GNAL: variants seen among roughly 807,000 people sequenced by gnomAD.
GNAL encodes G protein subunit alpha L.
In GNAL, 18 loss-of-function variants were observed where a neutral mutation model predicts 55.1. The ratio of observed to expected loss-of-function variants is 0.33; its 90% CI spans 0.23 to 0.48. The LOEUF is 0.48. GNAL is among the 20% of genes least tolerant of loss of function. GNAL has a pLI of 0.99. For synonymous variants in GNAL, 253 were observed against 237.0 expected (o/e 1.07, Z -0.62); for missense variants, 412 against 614.1 (o/e 0.67, Z 3.48).
chr18:11,752,511 A>G lies in GNAL; in HGVS notation c.377-342A>G. 6.2e-7 allele frequency: 1 copy of G among 1,613,180 alleles called. No individual in the cohort carries two copies. Among genetic ancestry groups the G allele is most frequent in the African/African-American group, 1.3e-5 (1 of 74,914 alleles). Reference sequence around the variant, plus strand: ...AAAAAGAACGACGCGAGGCCAACAAAAAGATCGAGAAGCAGTTGCAGAAAG... The same window carrying G: ...AAAAAGAACGACGCGAGGCCAACAAGAAGATCGAGAAGCAGTTGCAGAAAG... On this transcript the variant is annotated intron_variant, in intron 1 of 11. Coordinates refer to ENST00000334049, the MANE Select transcript of GNAL (RefSeq NM_182978.4). This position sits in a 1 kb window ranked among gnomAD's most constrained non-coding sequence, Gnocchi z 4.5.
At chr18:11,735,856 A>G (rs536133388) in intron 1 of GNAL, among the ~76,000 whole-genome samples, 114 of 152,240 alleles carry the variant, frequency 7.5e-4, no homozygotes, top group African/African-American at 2.7e-3. Context: ...GGTCACAGTA[A>G]AAAGTTCAGA....
At chr18:11,813,264 A>G (rs989914606) in intron 4 of GNAL, among the ~76,000 whole-genome samples, 1 of 151,856 alleles carries the variant, frequency 6.6e-6, no homozygotes, top group African/African-American at 2.4e-5. Context: ...TAAAAAAAAG[A>G]AAAAAAGACA....
At chr18:11,880,216 C>CACT (rs2036639110) in intron 11 of GNAL, among the ~76,000 whole-genome samples, 1 of 151,120 alleles carries the variant, frequency 6.6e-6, no homozygotes, top group Admixed American at 6.6e-5. Context: ...GAGATGGCAC[C>CACT]ACTGCACTCC....
At chr18:11,726,865 A>G (rs1459295602) in intron 1 of GNAL, among the ~76,000 whole-genome samples, 1 of 152,222 alleles carries the variant, frequency 6.6e-6, no homozygotes, top group East Asian at 1.9e-4. Flanking sequence ...CCAAAACCCC[A>G]GTGTTTAAGA....
chr18:11,752,339 G>GA lies in GNAL; in HGVS notation c.377-513dup. The GA allele has an allele frequency of 6.7e-7, 1 of 1,493,320 alleles. No individual in the cohort carries two copies. Among genetic ancestry groups the GA allele is most frequent in the African/African-American group, 1.5e-5 (1 of 68,760 alleles). 92.5% of individuals were successfully genotyped at this position (1,493,320 alleles called of 1,614,324 possible). A position where few individuals can be genotyped will look rare whatever the true frequency, so the allele number is the denominator to read the frequency against. On this transcript the variant is annotated intron_variant, in intron 1 of 11. Coordinates refer to ENST00000334049, the MANE Select transcript of GNAL (RefSeq NM_182978.4). This position sits in a 1 kb window ranked among gnomAD's most constrained non-coding sequence, Gnocchi z 4.5. Reference sequence around the variant, plus strand: ...GACCATCTCTTTCAGCAGCAGGAAAGAGAGGAGCCGTCGCAGGAGCCGCAC... The same window carrying GA: ...GACCATCTCTTTCAGCAGCAGGAAAGAAGAGGAGCCGTCGCAGGAGCCGCAC...
chr18:11,770,379 A>G (rs1205862391), intron 4 of GNAL, among the ~76,000 whole-genome samples: 2 of 152,218 alleles, frequency 1.3e-5, no homozygotes, highest in African/African-American at 2.4e-5. Context: ...CTTTAGAATC[A>G]TCTCTGAAAA....
chr18:11,733,497 T>C (rs1455781360), intron 1 of GNAL, among the ~76,000 whole-genome samples: 2 of 152,228 alleles, frequency 1.3e-5, no homozygotes, highest in Non-Finnish European at 1.5e-5. Flanking sequence ...CATTTTCATC[T>C]TTTGGAGATG....
chr18:11,810,798 T>G (rs1416098526), intron 4 of GNAL: 5 of 152,378 alleles, frequency 3.3e-5, no homozygotes, highest in African/African-American at 1.2e-4. Flanking sequence ...ACGCTGGCTA[T>G]AAGTGCATTG....
At chr18:11,757,139 T>C (rs1231065209) in intron 4 of GNAL, among the ~76,000 whole-genome samples, 1 of 152,214 alleles carries the variant, frequency 6.6e-6, no homozygotes, top group Non-Finnish European at 1.5e-5. Flanking sequence ...TGGGTTGCTC[T>C]TTGGGTCTTT....
At chr18:11,732,732 T>C (rs1028015090) in intron 1 of GNAL, among the ~76,000 whole-genome samples, 4 of 152,240 alleles carry the variant, frequency 2.6e-5, no homozygotes, top group Non-Finnish European at 5.9e-5. Flanking sequence ...GGAGGAGGGA[T>C]AGACGGAGTG....
At chr18:11,844,860 A>ATTTAT (rs1555612968) in intron 5 of GNAL, among the ~76,000 whole-genome samples, 7 of 151,624 alleles carry the variant, frequency 4.6e-5, no homozygotes, top group African/African-American at 1.2e-4. Flanking sequence ...TTATTTTTTG[A>ATTTAT]TTTATTTTAT....
intron 2 of GNAL, 102 bp downstream of exon 2, chr18:11,753,027 G>T: frequency 1.6e-6 from 1 of 636,642 alleles, no homozygotes; most frequent in Non-Finnish European, 2.8e-6. Flanking sequence ...ATTTGATAAT[G>T]GAGTAGACAT....
At chr18:11,804,201 A>G (rs201277084) in intron 4 of GNAL, among the ~76,000 whole-genome samples, 25 of 87,364 alleles carry the variant, frequency 2.9e-4, no homozygotes, top group African/African-American at 7.1e-4. Context: ...TGCGGTTTGG[A>G]TGGAACACGG....
In GNAL at chr18:11,864,555, TG is replaced by T; in HGVS notation, c.801del (p.Thr268HisfsTer14). 6.3e-7 allele frequency: 1 copy of T among 1,581,768 alleles called. No homozygotes were observed. Among genetic ancestry groups the T allele is most frequent in the Non-Finnish European group, 8.7e-7 (1 of 1,150,578 alleles). On this transcript the variant is annotated frameshift_variant, in exon 7 of 12. Coordinates refer to ENST00000334049, the MANE Select transcript of GNAL (RefSeq NM_182978.4). LOFTEE classifies it high-confidence loss of function. ...CAGGACCTCCTCAGATGCAGAGTTC[TG>T]ACATCTGGGATTTTTGAGACACGAT... Reference protein sequence around the residue: ...TDQDLLRCRVLTSGIFETRFQ... With the variant: ...TDQDLLRCRVXTSGIFETRFQ...
At chr18:11,808,822 C>CA (rs1279980496) in intron 4 of GNAL, among the ~76,000 whole-genome samples, 9 of 152,244 alleles carry the variant, frequency 5.9e-5, no homozygotes, top group Non-Finnish European at 1.2e-4. Context: ...TCGGCAATAA[C>CA]AAGGACTGAA....
intron 4 of GNAL, among the ~76,000 whole-genome samples, chr18:11,771,638 A>G (rs920454378): frequency 1.3e-5 from 2 of 152,118 alleles, no homozygotes; most frequent in African/African-American, 4.8e-5. Flanking sequence ...GCCTTTGAAG[A>G]ATGGGTGAAT....
intron 4 of GNAL, among the ~76,000 whole-genome samples, chr18:11,804,963 G>C (rs199647976): frequency 6.5e-5 from 9 of 138,172 alleles, no homozygotes; most frequent in South Asian, 2.4e-4. Context: ...TACAGGTGCA[G>C]TTTGAGTGGA....
chr18:11,694,281 C>A (rs370622919), intron 1 of GNAL, among the ~76,000 whole-genome samples: 1 of 152,130 alleles, frequency 6.6e-6, no homozygotes, highest in South Asian at 2.1e-4. Context: ...CCTGTGAATT[C>A]TTTGTGCTCC....
At chr18:11,828,133 A>G (rs772400121) in intron 5 of GNAL, among the ~76,000 whole-genome samples, 1 of 152,210 alleles carries the variant, frequency 6.6e-6, no homozygotes, top group African/African-American at 2.4e-5. Context: ...GGGAACTCCA[A>G]TGCAGTCTGA....
Sources: gnomAD v4.1 joint callset for allele counts (sites outside exome capture counted in the v4.1 genomes callset) on GRCh38, gnomAD v4.1.1 for gene constraint, Gnocchi (gnomAD v3.1) non-coding constraint, MANE v1.5 for transcripts, NCBI Gene and HGNC (gene_info 2026-07-23, HGNC 2026-07-21) for gene names.